NCOA2: variants seen among roughly 807,000 people sequenced by gnomAD.
NCOA2 encodes class E basic helix-loop-helix protein 75.
Under a neutral mutation model 145.1 loss-of-function variants are expected in NCOA2, and 21 were observed. That is an observed-to-expected ratio of 0.14 (90% CI 0.10 to 0.21). The LOEUF (loss-of-function observed/expected upper bound fraction) is 0.21, where lower values mean the gene tolerates loss of function less well. NCOA2 is among the 10% of genes least tolerant of loss of function. The probability of loss-of-function intolerance (pLI) is 1.00; values close to 1 mark genes in which losing one functional copy is unlikely to be tolerated. For missense variants in NCOA2, 1,472 were observed against 1,837.6 expected (o/e 0.80, Z 3.64); for synonymous variants, 619 against 637.5 (o/e 0.97, Z 0.44).
chr8:70,110,325 A>T lies in NCOA2; in HGVS notation c.*3307T>A. The T allele has an allele frequency of 5.1e-6, 1 of 197,120 alleles. No individual in the cohort carries two copies. The highest frequency in any genetic ancestry group is 1.1e-5 in the Non-Finnish European group (1 of 95,050). The allele number at this position is 197,120 out of a possible 1,614,324, so 12.2% of individuals were successfully genotyped here. On this transcript the variant is annotated 3_prime_UTR_variant, in exon 23 of 23. Coordinates refer to ENST00000452400, the MANE Select transcript of NCOA2 (RefSeq NM_006540.4). ...AGCTATGTAGGAATATACAAGACTTAAAAACAGATCTAAGGCATTATGCTA... is the reference window on the plus strand; with the variant it reads ...AGCTATGTAGGAATATACAAGACTTTAAAACAGATCTAAGGCATTATGCTA...
At chr8:70,137,255 C>T (rs1809836138) in intron 15 of NCOA2, among the ~76,000 whole-genome samples, 1 of 152,168 alleles carries the variant, frequency 6.6e-6, no homozygotes, top group Admixed American at 6.5e-5. Flanking sequence ...GTTGGTCAGG[C>T]TGGTCTCAAA....
chr8:70,392,419 T>A (rs1813288758), intron 1 of NCOA2, among the ~76,000 whole-genome samples: 1 of 152,112 alleles, frequency 6.6e-6, no homozygotes, highest in Non-Finnish European at 1.5e-5. Flanking sequence ...AATAAAAACA[T>A]CCCACAAAAT....
the NCOA2 span, among the ~76,000 whole-genome samples, chr8:70,434,637 T>C: frequency 1.3e-5 from 2 of 152,206 alleles, no homozygotes; most frequent in African/African-American, 4.8e-5. Flanking sequence ...GATGGAATCA[T>C]AGCTCCTTGC....
chr8:70,384,686 C>T (rs544484104), intron 1 of NCOA2, among the ~76,000 whole-genome samples: 1 of 152,036 alleles, frequency 6.6e-6, no homozygotes, highest in African/African-American at 2.4e-5. Context: ...TAAAATAACC[C>T]CCAAATTTTT....
intron 2 of NCOA2, among the ~76,000 whole-genome samples, chr8:70,242,829 T>G (rs1328748478): frequency 6.6e-6 from 1 of 152,104 alleles, no homozygotes. Context: ...AATTCTACTT[T>G]TTCTTACCCT....
chr8:70,148,568 C>T, intron 11 of NCOA2, 85 bp from the exon 12 acceptor site: 1 of 1,204,454 alleles, frequency 8.3e-7, no homozygotes, highest in East Asian at 2.5e-5. Context: ...ACCTAACTGC[C>T]ATAAGGCACC....
At chr8:70,269,328 G>A (rs1327900936) in intron 2 of NCOA2, among the ~76,000 whole-genome samples, 5 of 152,090 alleles carry the variant, frequency 3.3e-5, no homozygotes, top group Non-Finnish European at 7.4e-5. Context: ...TAGTGATGGA[G>A]GGCCTAGGTG....
At chr8:70,267,370 AAT>A (rs1824689274) in intron 2 of NCOA2, among the ~76,000 whole-genome samples, 1 of 151,204 alleles carries the variant, frequency 6.6e-6, no homozygotes, top group Admixed American at 6.6e-5. Context: ...CAGAAGAGCT[AAT>A]AAAGATCTGT....
chr8:70,364,814 A>G (rs1277749067), intron 1 of NCOA2, among the ~76,000 whole-genome samples: 2 of 148,464 alleles, frequency 1.3e-5, no homozygotes, highest in South Asian at 2.2e-4. Context: ...CCAGTTCTAT[A>G]AAGTAAAAAG....
chr8:70,415,020 A>G, the NCOA2 span, among the ~76,000 whole-genome samples: 1 of 152,116 alleles, frequency 6.6e-6, no homozygotes, highest in Non-Finnish European at 1.5e-5. Flanking sequence ...CAAGTACTGG[A>G]GACTAGGCAT....
At chr8:70,336,840 T>C (rs1313830519) in intron 1 of NCOA2, among the ~76,000 whole-genome samples, 3 of 152,066 alleles carry the variant, frequency 2.0e-5, no homozygotes, top group African/African-American at 7.2e-5. Context: ...TGCTTATCCA[T>C]TCATCCACTG....
chr8:70,357,750 A>C (rs1489900461), intron 1 of NCOA2, among the ~76,000 whole-genome samples: 3 of 151,710 alleles, frequency 2.0e-5, no homozygotes, highest in Non-Finnish European at 4.4e-5. Context: ...CTCAAAAAAA[A>C]AGCGCGGTGG....
chr8:70,191,566 G>T (rs1004722757), intron 4 of NCOA2, among the ~76,000 whole-genome samples: 2 of 152,110 alleles, frequency 1.3e-5, no homozygotes, highest in African/African-American at 4.8e-5. Context: ...TGTAATAAAA[G>T]ACTCATCATT....
intron 1 of NCOA2, among the ~76,000 whole-genome samples, chr8:70,313,112 G>C (rs936838054): frequency 5.9e-5 from 9 of 152,114 alleles, no homozygotes; most frequent in African/African-American, 2.2e-4. Flanking sequence ...CTTAATCACT[G>C]AGCCCATTAA....
At chr8:70,177,131 C>T (rs1814945801) in intron 4 of NCOA2, among the ~76,000 whole-genome samples, 1 of 152,186 alleles carries the variant, frequency 6.6e-6, no homozygotes, top group African/African-American at 2.4e-5. Flanking sequence ...GTCACATTCT[C>T]CCATCTTTCA....
chr8:70,424,588 A>G, the NCOA2 span: 2 of 486,064 alleles, frequency 4.1e-6, no homozygotes, highest in Non-Finnish European at 8.3e-6. Flanking sequence ...GCAGCAGCAC[A>G]AGCGGCGGTG....
At chr8:70,380,530 C>T (rs1251166731) in intron 1 of NCOA2, among the ~76,000 whole-genome samples, 1 of 152,114 alleles carries the variant, frequency 6.6e-6, no homozygotes, top group Admixed American at 6.5e-5. Flanking sequence ...TTGTTTCAGA[C>T]ACTGTGCAAG....
chr8:70,126,596 A>G, intron 19 of NCOA2: 1 of 580,744 alleles, frequency 1.7e-6, no homozygotes, highest in Non-Finnish European at 3.1e-6. Flanking sequence ...ACTCAGAGAA[A>G]AGGAGGTACC....
At chr8:70,430,898 T>G in the NCOA2 span, among the ~76,000 whole-genome samples, 5 of 152,186 alleles carry the variant, frequency 3.3e-5, no homozygotes, top group Admixed American at 3.3e-4. Context: ...AATAACGGGT[T>G]TTTTTCTACC....
Sources: allele counts gnomAD v4.1 joint callset (sites outside exome capture counted in the v4.1 genomes callset), GRCh38; gene constraint gnomAD v4.1.1; transcripts MANE v1.5; gene names NCBI Gene and HGNC (gene_info 2026-07-23, HGNC 2026-07-21).